Variants in GSG1L observed in about 807,000 individuals in gnomAD.
GSG1L encodes GSG1 like, also known as germ cell-specific gene 1-like protein.
In GSG1L, 24 loss-of-function variants were observed where a neutral mutation model predicts 42.1. The ratio of observed to expected loss-of-function variants is 0.57; its 90% CI spans 0.41 to 0.80. The LOEUF (loss-of-function observed/expected upper bound fraction) is 0.80. Among genes scored for constraint, GSG1L ranks in the 30% least tolerant of loss-of-function variants. The pLI, the probability that GSG1L is intolerant of heterozygous loss-of-function variation, is 0.00. For missense variants in GSG1L, 445 were observed against 472.2 expected (o/e 0.94, Z 0.53); for synonymous variants, 215 against 203.5 (o/e 1.06, Z -0.48).
At chr16:27,859,135 G>A (rs1303359403) in intron 3 of GSG1L, among the ~76,000 whole-genome samples, 1 of 152,166 alleles carries the variant, frequency 6.6e-6, no homozygotes, top group African/African-American at 2.4e-5. Context: ...AGGGGTAGGA[G>A]TGACACTGTC....
chr16:27,850,798 A>AC (rs1017270240), intron 3 of GSG1L, among the ~76,000 whole-genome samples: 2 of 112,954 alleles, frequency 1.8e-5, no homozygotes, highest in Non-Finnish European at 3.4e-5. Flanking sequence ...TCTATCATCT[A>AC]CCTTTTTTTT....
chr16:27,873,219 G>T (rs967096444), intron 3 of GSG1L, among the ~76,000 whole-genome samples: 1 of 152,188 alleles, frequency 6.6e-6, no homozygotes, highest in Non-Finnish European at 1.5e-5. Context: ...AAATCCAAAT[G>T]TTTTTTGCAA....
intron 4 of GSG1L, among the ~76,000 whole-genome samples, chr16:27,834,577 T>C (rs1310156961): frequency 5.9e-5 from 9 of 152,200 alleles, no homozygotes; most frequent in Admixed American, 5.9e-4. Context: ...AAAGTTTTTA[T>C]TTATAAACTA....
intron 6 of GSG1L, among the ~76,000 whole-genome samples, chr16:27,803,800 G>GATATATATATATATATAGATATAT (rs1406574562): frequency 1.3e-5 from 1 of 74,246 alleles, no homozygotes; most frequent in African/African-American, 5.2e-5. Flanking sequence ...TATATAGATA[G>GATATATATATATATATAGATATAT]ATAGATATAG....
chr16:27,820,818 C>A (rs890622786), intron 5 of GSG1L, among the ~76,000 whole-genome samples: 2 of 152,148 alleles, frequency 1.3e-5, no homozygotes. Context: ...CTACCACCAG[C>A]CTCCAACCCC....
intron 6 of GSG1L, among the ~76,000 whole-genome samples, 165 bp from the exon 7 acceptor site, chr16:27,791,632 C>A (rs748775740): frequency 4.6e-5 from 7 of 151,928 alleles, no homozygotes; most frequent in African/African-American, 9.7e-5. Flanking sequence ...ACCAGCTCTC[C>A]ACCCATCCCT....
At position 28,063,278 on chromosome 16, in the gene GSG1L, G is replaced by A. The variant is rs1246921126; in HGVS notation, c.147C>T (p.Arg49=). ...TGGCGCCCGAGTTGGGGCAGTTGGC[G>A]CGCCCGCCCTGGCCGCAGCCCGGCT... ...VPKPGCGQGG[R]ANCPNSGANA... The change falls in exon 1 of 7, where the codon CGC becomes CGT. Residue 49 remains arginine (R), a synonymous_variant. Transcript: ENST00000447459. The surrounding 1 kb of genome is among the most constrained non-coding windows in gnomAD (Gnocchi z 5.8). 1.5e-5 allele frequency: 21 copies of A among 1,364,164 alleles called. No homozygotes were observed. The highest frequency in any genetic ancestry group is 1.9e-5 in the Non-Finnish European group (20 of 1,049,464). The allele number at this position is 1,364,164 out of a possible 1,614,324, so 84.5% of individuals were successfully genotyped here. A position where few individuals can be genotyped will look rare whatever the true frequency, so the allele number is the denominator to read the frequency against.
chr16:27,848,534 A>G (rs1487151554), intron 3 of GSG1L, among the ~76,000 whole-genome samples: 2 of 152,192 alleles, frequency 1.3e-5, no homozygotes, highest in African/African-American at 4.8e-5. Context: ...GCCAGACACT[A>G]TTCCAGGGGG....
intron 3 of GSG1L, among the ~76,000 whole-genome samples, chr16:27,881,171 AG>A (rs2083949554): frequency 6.6e-6 from 1 of 152,050 alleles, no homozygotes; most frequent in South Asian, 2.1e-4. Flanking sequence ...ATTGTTGTAT[AG>A]GAATTTATGT....
At chr16:27,826,336 C>T (rs554495898) in intron 5 of GSG1L, among the ~76,000 whole-genome samples, 20 of 152,330 alleles carry the variant, frequency 1.3e-4, no homozygotes, top group Admixed American at 3.9e-4. Context: ...AAGGGCCCCA[C>T]AGACAGTCCA....
Position 27,997,348 on chromosome 16 carries a change from C to T in GSG1L, c.350-34145G>A, listed in dbSNP as rs527254845. ...TTTTTTTTTTTTTTTGAGACAGAGT[C>T]TTGCTCTGTCACCCAGGCTGGAGTG... On this transcript the variant is annotated intron_variant, in intron 1 of 6. Coordinates refer to ENST00000447459, the MANE Select transcript of GSG1L (RefSeq NM_001109763.2). Among the ~76,000 whole-genome samples the T allele has an allele frequency of 4.3e-3, 422 of 98,938 alleles. 1 individual carries two copies. Among genetic ancestry groups the T allele is most frequent in the African/African-American group, 0.015 (390 of 25,374 alleles). The allele number at this position is 98,938 out of a possible 152,430, so 64.9% of individuals were successfully genotyped here. A position where few individuals can be genotyped will look rare whatever the true frequency, so the allele number is the denominator to read the frequency against.
intron 2 of GSG1L, among the ~76,000 whole-genome samples, chr16:27,886,459 T>TG (rs1281909839): frequency 1.3e-5 from 2 of 151,978 alleles, no homozygotes; most frequent in African/African-American, 4.8e-5. Flanking sequence ...AAAAATAAAA[T>TG]GGGGGTAATA....
intron 1 of GSG1L, among the ~76,000 whole-genome samples, chr16:27,972,596 A>G (rs930613487): frequency 2.0e-5 from 3 of 152,214 alleles, no homozygotes; most frequent in Non-Finnish European, 4.4e-5. Context: ...CTGGGGCTTG[A>G]CAATTAGATC....
intron 2 of GSG1L, among the ~76,000 whole-genome samples, chr16:27,924,776 G>A (rs571532776): frequency 8.5e-5 from 13 of 152,262 alleles, no homozygotes; most frequent in South Asian, 4.1e-4. Context: ...CAGAAAGGGC[G>A]TTTTCATATT....
intron 1 of GSG1L, among the ~76,000 whole-genome samples, chr16:27,989,087 G>T (rs1004616493): frequency 1.3e-5 from 2 of 150,074 alleles, no homozygotes; most frequent in Non-Finnish European, 3.0e-5. Context: ...AAAAGAAAAA[G>T]AAAGAAAAAA....
intron 2 of GSG1L, among the ~76,000 whole-genome samples, chr16:27,947,549 GA>G (rs1423619888): frequency 1.8e-5 from 1 of 56,422 alleles, no homozygotes; most frequent in African/African-American, 8.3e-5. Flanking sequence ...AGGAAAGAAA[GA>G]AAGAAAGAAA....
chr16:27,824,413 G>T (rs992634840), intron 5 of GSG1L, among the ~76,000 whole-genome samples: 1 of 152,136 alleles, frequency 6.6e-6, no homozygotes, highest in Non-Finnish European at 1.5e-5. Flanking sequence ...TGGGGCCATG[G>T]ATCGCCCTCC....
intron 3 of GSG1L, among the ~76,000 whole-genome samples, chr16:27,865,566 T>TACACACAC (rs1371145277): frequency 1.0e-4 from 2 of 19,158 alleles, no homozygotes; most frequent in African/African-American, 8.7e-4. Context: ...TATATATATA[T>TACACACAC]ATATATACAC....
At chr16:28,060,303 C>T (rs1567574216) in intron 1 of GSG1L, among the ~76,000 whole-genome samples, 1 of 152,028 alleles carries the variant, frequency 6.6e-6, no homozygotes, top group Non-Finnish European at 1.5e-5. Context: ...TACTTGCTAT[C>T]ACCCTTTCAG....
Sources: gnomAD v4.1 joint callset for allele counts (sites outside exome capture counted in the v4.1 genomes callset) on GRCh38, gnomAD v4.1.1 for gene constraint, Gnocchi (gnomAD v3.1) non-coding constraint, MANE v1.5 for transcripts, NCBI Gene and HGNC (gene_info 2026-07-23, HGNC 2026-07-21) for gene names.